The following EFNB2 variants were observed in gnomAD, a reference collection of about 807,000 sequenced individuals.
EFNB2 encodes the protein ephrin B2.
A neutral mutation model predicts 32.1 loss-of-function variants in EFNB2; 5 were observed. That is an observed-to-expected ratio of 0.16 (90% CI 0.08 to 0.33). EFNB2 has a LOEUF of 0.33. Ranked by LOEUF, EFNB2 falls within the 10% of genes least tolerant of loss-of-function variation. The pLI is 1.00. For missense variants in EFNB2, 263 were observed against 422.6 expected (o/e 0.62, Z 3.31); for synonymous variants, 168 against 166.5 (o/e 1.01, Z -0.07).
At chr13:106,534,256 C>T (rs1262749413) in intron 1 of EFNB2, among the ~76,000 whole-genome samples, 1 of 152,210 alleles carries the variant, frequency 6.6e-6, no homozygotes, top group African/African-American at 2.4e-5. Context: ...CCGAGTTCTC[C>T]TGCGAAGCAG....
intron 1 of EFNB2, among the ~76,000 whole-genome samples, chr13:106,524,106 G>C (rs117143893): frequency 0.012 from 1,759 of 151,928 alleles, 18 homozygotes; most frequent in Non-Finnish European, 0.017. Flanking sequence ...GTTTCCATTG[G>C]GTATAACCTT....
intron 1 of EFNB2, among the ~76,000 whole-genome samples, chr13:106,524,096 G>C (rs1879623686): frequency 6.6e-6 from 1 of 152,112 alleles, no homozygotes; most frequent in Admixed American, 6.5e-5. Flanking sequence ...TCATTATTCT[G>C]TTTCCATTGG....
chr13:106,494,962 C>A lies in EFNB2; in HGVS notation c.532G>T (p.Asp178Tyr). 6.2e-7 allele frequency: 1 copy of A among 1,614,138 alleles called. No homozygotes were observed. The highest frequency in any genetic ancestry group is 8.5e-7 in the Non-Finnish European group (1 of 1,180,008). ...ASSAGSTRNK[D>Y]PTRRPELEAG... ...TCTAGTTCTGGACGTCTTGTTGGAT[C>A]TTTATTCCTGGTTGATCCAGCAGAA... The change falls in exon 4 of 5, where the codon GAT (aspartate) becomes TAT (tyrosine). Residue 178 changes from aspartate (D) to tyrosine (Y), a missense_variant. Around this residue, in one of 3 missense-constraint regions of EFNB2, gnomAD observed 172 missense variants for 237.1 expected, o/e 0.73. Coordinates refer to ENST00000646441, the MANE Select transcript of EFNB2 (RefSeq NM_004093.4).
rs144711050 is a variant in EFNB2, at chr13:106,497,314, C to T, written c.407-1474G>A. On this transcript the variant is annotated intron_variant, in intron 2 of 4. Coordinates refer to ENST00000646441, the MANE Select transcript of EFNB2 (RefSeq NM_004093.4). ...TACAGTCTCACAATTGCATCTCATT[C>T]TTCTGTAACTGTGGATAAATTTTTC... is the stretch of plus-strand genomic sequence containing the variant. Among the ~76,000 whole-genome samples, 451 of 152,116 alleles carry T rather than the reference C, an allele frequency of 3.0e-3. 1 individual carries two copies. The highest frequency in any genetic ancestry group is 0.01 in the African/African-American group (430 of 41,474).
At chr13:106,508,899 C>T (rs1879045237) in intron 2 of EFNB2, among the ~76,000 whole-genome samples, 2 of 152,164 alleles carry the variant, frequency 1.3e-5, no homozygotes, top group Admixed American at 1.3e-4. Context: ...TTCATATTCA[C>T]GTCTGAAACT....
intron 2 of EFNB2, among the ~76,000 whole-genome samples, chr13:106,509,490 G>A (rs1213253891): frequency 6.6e-6 from 1 of 152,196 alleles, no homozygotes; most frequent in Middle Eastern, 3.4e-3. Context: ...GTGAACCAAC[G>A]ATTTGAAGTG....
chr13:106,517,099 T>C (rs1385130565), intron 1 of EFNB2: 2 of 152,214 alleles, frequency 1.3e-5, no homozygotes, highest in Non-Finnish European at 2.9e-5. Context: ...CATCTATCTA[T>C]GCCCTAAATA....
Position 106,512,700 on chromosome 13 carries a change from A to G in EFNB2, c.235T>C (p.Tyr79His). The G allele has an allele frequency of 1.2e-6, 2 of 1,613,866 alleles. No homozygotes were observed. Among genetic ancestry groups the G allele is most frequent in the Non-Finnish European group, 1.7e-6 (2 of 1,179,942 alleles). Residue 79 changes from tyrosine (Y) to histidine (H), a missense_variant, in exon 2 of 5, where the codon TAT (tyrosine) becomes CAT (histidine). Physicochemically the swap from Tyr to His is moderately conservative, Grantham distance 83. Coordinates refer to ENST00000646441, the MANE Select transcript of EFNB2 (RefSeq NM_004093.4). ...TCTGCTTGGTCTTTATCAACCATAT[A>G]AACTTTATAATATTCATACTGGCCA... Reference protein sequence around the residue: ...TVGQYEYYKVYMVDKDQADRC... With the variant: ...TVGQYEYYKVHMVDKDQADRC...
At chr13:106,534,696 GA>G in intron 1 of EFNB2, 146 bp downstream of exon 1, 1 of 908,410 alleles carries the variant, frequency 1.1e-6, no homozygotes. Context: ...TCCACCTAGT[GA>G]AATGGGGCGG....
At chr13:106,503,320 C>T (rs533983484) in intron 2 of EFNB2, among the ~76,000 whole-genome samples, 3 of 152,242 alleles carry the variant, frequency 2.0e-5, no homozygotes, top group Admixed American at 2.0e-4. Flanking sequence ...GGGACCGTTT[C>T]TTATTGCCAC....
At chr13:106,522,766 T>A (rs950747323) in intron 1 of EFNB2, among the ~76,000 whole-genome samples, 3 of 152,314 alleles carry the variant, frequency 2.0e-5, no homozygotes, top group South Asian at 2.1e-4. Flanking sequence ...CTTTCCCTTT[T>A]GGTGGGGCCA....
intron 1 of EFNB2, among the ~76,000 whole-genome samples, chr13:106,528,107 CA>C (rs1393325316): frequency 6.6e-6 from 1 of 152,176 alleles, no homozygotes; most frequent in Non-Finnish European, 1.5e-5. Context: ...GCCTGTAAAT[CA>C]GGGGGTAGCC....
intron 2 of EFNB2, among the ~76,000 whole-genome samples, chr13:106,499,520 G>C (rs1231024680): frequency 4.6e-5 from 7 of 152,124 alleles, no homozygotes; most frequent in Non-Finnish European, 1.0e-4. Flanking sequence ...TTTTAACTTA[G>C]AGAAAGAGTG....
At position 106,518,661 on chromosome 13, in the gene EFNB2, A is replaced by C. The variant is rs1012026692; in HGVS notation, c.123-5849T>G. ...CAGTGGTCGCCTGATCTATTTCTGC[A>C]CTTTGCCCAGTGTAATAGGAGGATC... On this transcript the variant is annotated intron_variant, in intron 1 of 4. Transcript: ENST00000646441. The surrounding 1 kb of genome is among the most constrained non-coding windows in gnomAD (Gnocchi z 4.1). The C allele has an allele frequency of 6.6e-6, 1 of 152,204 alleles. No homozygotes were observed. Among genetic ancestry groups the C allele is most frequent in the Non-Finnish European group, 1.5e-5 (1 of 68,086 alleles). The allele number at this position is 152,204 out of a possible 1,614,324, so 9.4% of individuals were successfully genotyped here.
Position 106,535,598 on chromosome 13 carries a change from G to A in EFNB2, c.-634C>T, listed in dbSNP as rs903380557. On this transcript the variant is annotated 5_prime_UTR_variant, in exon 1 of 5. Transcript: ENST00000646441. ...GCCTTTGTGTGCGGGGAGGGCGCCG[G>A]GACCCGCTGCGTGCGCAGCTCCTCG... is the stretch of plus-strand genomic sequence containing the variant. 1.3e-5 allele frequency: 2 copies of A among 150,496 alleles called. No individual in the cohort carries two copies. Among genetic ancestry groups the A allele is most frequent in the African/African-American group, 4.9e-5 (2 of 41,166 alleles). 9.3% of individuals were successfully genotyped at this position (150,496 alleles called of 1,614,324 possible). A position where few individuals can be genotyped will look rare whatever the true frequency, so the allele number is the denominator to read the frequency against.
chr13:106,516,774 G>A (rs1207158374), intron 1 of EFNB2: 1 of 152,168 alleles, frequency 6.6e-6, no homozygotes. Flanking sequence ...CTGAGACCAC[G>A]GCTCAGATGT....
At chr13:106,497,427 T>C (rs749317585) in intron 2 of EFNB2, among the ~76,000 whole-genome samples, 3 of 151,500 alleles carry the variant, frequency 2.0e-5, no homozygotes, top group African/African-American at 7.3e-5. Flanking sequence ...GATACAAACA[T>C]TGTAGACCAT....
intron 1 of EFNB2, 63 bp from the exon 2 acceptor site, chr13:106,512,875 C>T (rs1263172303): frequency 1.0e-5 from 14 of 1,394,688 alleles, no homozygotes; most frequent in Non-Finnish European, 1.3e-5. Context: ...ATGACAGTTA[C>T]AAGATAGCCA....
rs1879405439 is a variant in EFNB2, at chr13:106,518,881, A to T, written c.123-6069T>A. The T allele has an allele frequency of 6.6e-6, 1 of 152,258 alleles. No individual in the cohort carries two copies. The highest frequency in any genetic ancestry group is 6.5e-5 in the Admixed American group (1 of 15,276). The allele number at this position is 152,258 out of a possible 1,614,324, so 9.4% of individuals were successfully genotyped here. On this transcript the variant is annotated intron_variant, in intron 1 of 4. Coordinates refer to ENST00000646441, the MANE Select transcript of EFNB2 (RefSeq NM_004093.4). This position sits in a 1 kb window ranked among gnomAD's most constrained non-coding sequence, Gnocchi z 4.1. ...TCTCACGGTTGGCCAAAGAGTGTAGATTAACCGAGAAGAAAACCCAAATCG... is the reference window on the plus strand; with the variant it reads ...TCTCACGGTTGGCCAAAGAGTGTAGTTTAACCGAGAAGAAAACCCAAATCG...
Sources: gnomAD v4.1 joint callset for allele counts (sites outside exome capture counted in the v4.1 genomes callset) on GRCh38, gnomAD v4.1.1 for gene constraint, gnomAD v4.1.1 regional missense constraint, Gnocchi (gnomAD v3.1) non-coding constraint, MANE v1.5 for transcripts, NCBI Gene and HGNC (gene_info 2026-07-23, HGNC 2026-07-21) for gene names.